Variants in ANXA4 observed in about 807,000 individuals in gnomAD.
ANXA4 encodes 35-beta calcimedin.
In ANXA4, 39 loss-of-function variants were observed where a neutral mutation model predicts 49.8. The ratio of observed to expected loss-of-function variants is 0.78; its 90% CI spans 0.61 to 1.02. The LOEUF is 1.02. ANXA4 is among the 50% of genes least tolerant of loss of function. ANXA4 has a pLI of 0.00. For missense variants in ANXA4, 360 were observed against 410.1 expected, an observed-to-expected ratio of 0.88 and a Z score of 1.05; for synonymous variants, 134 against 152.5, an observed-to-expected ratio of 0.88 and a Z score of 0.89.
intron 1 of ANXA4, among the ~76,000 whole-genome samples, chr2:69,768,374 A>C (rs554309197): frequency 1.8e-3 from 277 of 152,284 alleles, no homozygotes; most frequent in Middle Eastern, 6.8e-3. Context: ...CCTGTGGAGG[A>C]GTGAGCGCAG....
At chr2:69,733,791 T>C (rs752477406) in intron 3 of ANXA4, among the ~76,000 whole-genome samples, 4 of 152,220 alleles carry the variant, frequency 2.6e-5, no homozygotes, top group Middle Eastern at 3.2e-3. Context: ...TTTTGCTTCA[T>C]ACTGTAAAAC....
chr2:69,818,491 T>C, intron 9 of ANXA4, 108 bp from the exon 10 acceptor site: 1 of 617,798 alleles, frequency 1.6e-6, no homozygotes, highest in East Asian at 3.1e-5. Flanking sequence ...TCCTGAAATA[T>C]GCCAAAGAAT....
intron 1 of ANXA4, among the ~76,000 whole-genome samples, chr2:69,748,710 CTT>C (rs567935153): frequency 4.5e-4 from 59 of 132,484 alleles, no homozygotes; most frequent in Admixed American, 5.4e-4. Flanking sequence ...TACCCTACTT[CTT>C]TTTTTTTTTT....
upstream of ANXA4, among the ~76,000 whole-genome samples, chr2:69,740,340 A>G (rs949714948): frequency 2.0e-5 from 3 of 152,072 alleles, no homozygotes; most frequent in African/African-American, 7.2e-5. Context: ...ACCTGGCCTA[A>G]TTGTTGCTTG....
intron 2 of ANXA4, among the ~76,000 whole-genome samples, chr2:69,717,947 A>G (rs751724191): frequency 6.6e-5 from 10 of 152,180 alleles, no homozygotes; most frequent in Non-Finnish European, 1.5e-4. Flanking sequence ...ATTAAAAGGA[A>G]TAGTTTTAAT....
chr2:69,647,853 G>A (rs375000614), intron 1 of ANXA4, among the ~76,000 whole-genome samples: 105 of 152,268 alleles, frequency 6.9e-4, no homozygotes, highest in African/African-American at 2.5e-3. Flanking sequence ...CACCGTGCCT[G>A]ACTGATATTA....
In ANXA4 at chr2:69,656,357, GTA is replaced by G. The variant is rs1211411356; in HGVS notation, n.766+3083_766+3084del. ...TGTGTATATATATGTGTATATATGT[GTA>G]TATATATGTGTATATATGTGTATAT... On this transcript the variant is annotated intron_variant and non_coding_transcript_variant, in intron 2 of 3. Coordinates refer to the ANXA4 transcript ENST00000418066. Among the ~76,000 whole-genome samples, 338 of 129,538 alleles carry G rather than the reference GTA, an allele frequency of 2.6e-3. 24 individuals are homozygous for G. The highest frequency in any genetic ancestry group is 7.7e-3 in the African/African-American group (263 of 34,012). 85.0% of individuals were successfully genotyped at this position (129,538 alleles called of 152,430 possible).
At chr2:69,732,135 G>A (rs773698916) in intron 3 of ANXA4, among the ~76,000 whole-genome samples, 48 of 151,464 alleles carry the variant, frequency 3.2e-4, no homozygotes, top group Non-Finnish European at 5.6e-4. Flanking sequence ...CCGCCACCAC[G>A]CCCGGCTAAT....
intron 2 of ANXA4, among the ~76,000 whole-genome samples, chr2:69,679,289 C>T (rs550241700): frequency 6.6e-6 from 1 of 152,190 alleles, no homozygotes; most frequent in African/African-American, 2.4e-5. Context: ...GCATGTGCCA[C>T]CATGCCTGGC....
chr2:69,759,061 G>A (rs1468641566), intron 1 of ANXA4, among the ~76,000 whole-genome samples: 3 of 151,138 alleles, frequency 2.0e-5, no homozygotes, highest in East Asian at 1.9e-4. Flanking sequence ...CCTTGAACAC[G>A]GGAGGCGGAG....
At position 69,698,253 on chromosome 2, in the gene ANXA4, G is replaced by A. The variant is rs539534257; in HGVS notation, n.767-22521G>A. On this transcript the variant is annotated intron_variant and non_coding_transcript_variant, in intron 2 of 3. Transcript: ENST00000418066. ...TCATGAATTTCCTCCCAAAGGTTCC[G>A]CCTCCTAATACCATCACCTTGAGGA... Among the ~76,000 whole-genome samples the A allele has an allele frequency of 1.5e-4, 23 of 152,254 alleles. No homozygotes were observed. The South Asian group carries it at 3.3e-3, about 22-fold the overall frequency.
intron 1 of ANXA4, among the ~76,000 whole-genome samples, chr2:69,757,267 T>TATATATATATATA (rs1491352039): frequency 4.9e-5 from 1 of 20,534 alleles, no homozygotes; most frequent in African/African-American, 2.6e-4. Context: ...TATATATATA[T>TATATATATATATA]TTTTTTTTTT....
intron 3 of ANXA4, among the ~76,000 whole-genome samples, chr2:69,727,175 C>T (rs1378934975): frequency 5.3e-5 from 8 of 152,152 alleles, no homozygotes; most frequent in Non-Finnish European, 1.0e-4. Flanking sequence ...TGCCTAGCCT[C>T]GTTTCACTAT....
chr2:69,754,959 G>A (rs722265), intron 1 of ANXA4, among the ~76,000 whole-genome samples: 42,246 of 152,008 alleles, frequency 0.28, 5,961 homozygotes, highest in East Asian at 0.35. Context: ...CTGGTTCATT[G>A]TCTGTATACG....
chr2:69,781,579 G>C lies in ANXA4; in HGVS notation c.9+5G>C. The C allele has an allele frequency of 6.2e-7, 1 of 1,614,050 alleles. No homozygotes were observed. The highest frequency in any genetic ancestry group is 8.5e-7 in the Non-Finnish European group (1 of 1,179,990). On this transcript the variant is annotated splice_donor_5th_base_variant and intron_variant, in intron 2 of 12. Transcript: ENST00000394295. ...TGACCTAGAGTCATGGCCATGGTAA[G>C]TTGTGAAATACCTCAACCCTATCTG...
At chr2:69,663,317 T>TTC (rs1676802043) in intron 2 of ANXA4, among the ~76,000 whole-genome samples, 1 of 123,816 alleles carries the variant, frequency 8.1e-6, no homozygotes, top group African/African-American at 2.9e-5. Context: ...TTTTTTTTTT[T>TTC]TTTTTTTTTT....
In ANXA4 at chr2:69,723,227, T is replaced by C. The variant is rs537353881; in HGVS notation, n.864+2356T>C. 2.0e-5 allele frequency among the ~76,000 whole-genome samples: 3 copies of C among 147,086 alleles called. No homozygotes were observed. In the South Asian group the frequency reaches 6.4e-4, roughly 31 times the overall value. On this transcript the variant is annotated intron_variant and non_coding_transcript_variant, in intron 3 of 3. Transcript: ENST00000418066. ...AGTATAATGAAGGAAATAATAAAGA[T>C]AAGAGCAAACACCAATGAAATAGAA... is the stretch of plus-strand genomic sequence containing the variant.
chr2:69,691,431 C>A (rs912903646), intron 2 of ANXA4, among the ~76,000 whole-genome samples: 1 of 151,984 alleles, frequency 6.6e-6, no homozygotes, highest in African/African-American at 2.4e-5. Context: ...ACAGTCTTTA[C>A]ACTGAAAAAC....
rs1348490229 is a variant in ANXA4, at chr2:69,818,692, T to C, written c.722T>C (p.Ile241Thr). The change falls in exon 10 of 13, where the codon ATA becomes ACA. Residue 241 changes from isoleucine (I) to threonine (T), a missense_variant and splice_region_variant. Coordinates refer to ENST00000394295, the MANE Select transcript of ANXA4 (RefSeq NM_001153.5). ...AGCTTTGAAGATGCTCTGCTGGCTA[T>C]AGGTAAGCTGGTAGGGGGAGTAGAG... Reference protein sequence around the residue: ...SGSFEDALLAIVKCMRNKSAY... With the variant: ...SGSFEDALLATVKCMRNKSAY... The C allele has an allele frequency of 1.9e-6, 3 of 1,601,346 alleles. No homozygotes were observed. Among genetic ancestry groups the C allele is most frequent in the African/African-American group, 2.7e-5 (2 of 74,600 alleles).
Sources: allele counts gnomAD v4.1 joint callset (sites outside exome capture counted in the v4.1 genomes callset), GRCh38; gene constraint gnomAD v4.1.1; transcripts MANE v1.5; gene names NCBI Gene and HGNC (gene_info 2026-07-23, HGNC 2026-07-21).